The following VRTN variants were observed in gnomAD, a reference collection of about 807,000 sequenced individuals.
VRTN encodes the protein vertebrae development associated, also known as vertnin.
In VRTN, 5 loss-of-function variants were observed where a neutral mutation model predicts 18.2. The observed-to-expected ratio is 0.27, with a 90% confidence interval of 0.14 to 0.58. The LOEUF is 0.58. Among genes scored for constraint, VRTN ranks in the 20% least tolerant of loss-of-function variants. The pLI, the probability that VRTN is intolerant of heterozygous loss-of-function variation, is 0.91. For synonymous variants in VRTN, 381 were observed against 393.7 expected (o/e 0.97, Z 0.38); for missense variants, 741 against 939.4 (o/e 0.79, Z 2.76).
chr14:74,313,105 G>C (rs2085398979), intron 1 of VRTN, among the ~76,000 whole-genome samples: 1 of 152,166 alleles, frequency 6.6e-6, no homozygotes, highest in South Asian at 2.1e-4. Context: ...CCCTAAAAGA[G>C]AAGCAATCAT....
intron 1 of VRTN, among the ~76,000 whole-genome samples, chr14:74,334,846 G>C (rs2085553120): frequency 1.3e-5 from 2 of 152,100 alleles, no homozygotes; most frequent in South Asian, 2.1e-4. Flanking sequence ...TGGTACGGAG[G>C]GTGGGTCTAT....
chr14:74,310,034 T>A (rs2085377292), intron 1 of VRTN, among the ~76,000 whole-genome samples: 1 of 152,134 alleles, frequency 6.6e-6, no homozygotes, highest in Non-Finnish European at 1.5e-5. Flanking sequence ...ACCAGAATGC[T>A]TATCAAAGGA....
intron 1 of VRTN, among the ~76,000 whole-genome samples, chr14:74,350,201 G>A (rs933726152): frequency 6.6e-6 from 1 of 152,072 alleles, no homozygotes; most frequent in Non-Finnish European, 1.5e-5. Flanking sequence ...CTTTCCACAC[G>A]GCCCTATTCT....
In VRTN at chr14:74,307,601, T is replaced by G. The variant is rs150327805; in HGVS notation, c.-164+4425T>G. On this transcript the variant is annotated intron_variant, in intron 1 of 2. Transcript: ENST00000557177. ...ACTTGATGTAAAATGTGATCTCAAC[T>G]ATGAAAATATATATAGATGTAAATA... Among the ~76,000 whole-genome samples the G allele has an allele frequency of 2.9e-3, 447 of 152,318 alleles. 2 individuals are homozygous for G. Among genetic ancestry groups the G allele is most frequent in the African/African-American group, 8.5e-3 (352 of 41,570 alleles).
rs545678918 is a variant in VRTN at position 74,318,975 on chromosome 14, A to G, written c.-164+15799A>G. Among the ~76,000 whole-genome samples, 6 of 152,008 alleles carry G rather than the reference A, an allele frequency of 3.9e-5. No homozygotes were observed. In the East Asian group the frequency reaches 1.2e-3, roughly 29 times the overall value. On this transcript the variant is annotated intron_variant, in intron 1 of 2. Transcript: ENST00000557177. Reference sequence around the variant, plus strand: ...AGTGATCGACCTGCCTCGGCCTCCCAAAGTGCTGGGATTACAGGCATGAGC... The same window carrying G: ...AGTGATCGACCTGCCTCGGCCTCCCGAAGTGCTGGGATTACAGGCATGAGC...
chr14:74,352,468 C>T (rs763708934), intron 1 of VRTN, among the ~76,000 whole-genome samples: 13 of 152,176 alleles, frequency 8.5e-5, no homozygotes, highest in South Asian at 2.1e-4. Flanking sequence ...TGAGCCACTG[C>T]GCCCCAGCCC....
At chr14:74,313,625 T>A (rs2085402274) in intron 1 of VRTN, among the ~76,000 whole-genome samples, 1 of 152,184 alleles carries the variant, frequency 6.6e-6, no homozygotes, top group Non-Finnish European at 1.5e-5. Flanking sequence ...TGAAACCATC[T>A]TGGCCTCTTT....
intron 1 of VRTN, among the ~76,000 whole-genome samples, chr14:74,352,004 C>T (rs189092882): frequency 2.0e-5 from 3 of 149,458 alleles, no homozygotes; most frequent in Admixed American, 2.0e-4. Context: ...CCACCATGCC[C>T]AGCTAATTAT....
chr14:74,350,099 GA>G, intron 1 of VRTN, among the ~76,000 whole-genome samples: 1 of 152,140 alleles, frequency 6.6e-6, no homozygotes, highest in Non-Finnish European at 1.5e-5. Flanking sequence ...GCACTTCTAG[GA>G]AGAGAGCCAT....
In VRTN at chr14:74,358,830, C is replaced by A. The variant is rs1407530684; in HGVS notation, c.2047C>A (p.Arg683Ser). The A allele has an allele frequency of 1.2e-6, 2 of 1,614,098 alleles. No homozygotes were observed. ...CAGTGCCCTCTTTCCCCTCACTGCC[C>A]GCTCCACATACTACATGTGGAAGCG... The part of the protein sequence containing the change: ...EFSALFPLTA[R>S]STYYMWKRAL... The change falls in exon 2 of 2, where the codon CGC becomes AGC. Residue 683 changes from arginine to serine, a missense_variant. Transcript: ENST00000256362. This position sits in a 1 kb window ranked among gnomAD's most constrained non-coding sequence, Gnocchi z 5.4.
chr14:74,320,421 G>GC (rs1187313241), intron 1 of VRTN, among the ~76,000 whole-genome samples: 13 of 146,850 alleles, frequency 8.9e-5, no homozygotes, highest in Admixed American at 5.5e-4. Context: ...CCGCCACCAC[G>GC]CCGGCTAAAT....
rs144045913 is a variant in VRTN, at chr14:74,358,263, C to T, written c.1480C>T (p.Pro494Ser). ...TGCCACAGGTGAGGACCCTCCCGCC[C>T]CCGGGGAGCTCCTGCCACTAAGGAT... The part of the protein sequence containing the change: ...GNATGEDPPA[P>S]GELLPLRMPL... The change falls in exon 2 of 2, where the codon CCC becomes TCC. Residue 494 changes from proline to serine, a missense_variant. By Grantham distance (74) the Pro-to-Ser change is moderately conservative. Around this residue, in one of 3 missense-constraint regions of VRTN, gnomAD observed 494 missense variants for 546.5 expected, o/e 0.90. Coordinates refer to ENST00000256362, the MANE Select transcript of VRTN (RefSeq NM_018228.3). The surrounding 1 kb of genome is among the most constrained non-coding windows in gnomAD (Gnocchi z 5.4). 3.7e-6 allele frequency: 6 copies of T among 1,610,804 alleles called. No individual in the cohort carries two copies. Among genetic ancestry groups the T allele is most frequent in the Non-Finnish European group, 3.4e-6 (4 of 1,178,216 alleles).
Position 74,357,002 on chromosome 14 carries a change from CA to C in VRTN, c.220del (p.Met74CysfsTer37). ...TGTATCCAGAAGATGCTCCACGGAA[CA>C]TGCTGCCGCTGGTGTGCAAGGGGGA... ...SLYPEDAPRN[M>X]LPLVCKGEGS... On this transcript the variant is annotated frameshift_variant, in exon 2 of 2. Coordinates refer to ENST00000256362, the MANE Select transcript of VRTN (RefSeq NM_018228.3). LOFTEE classifies it high-confidence loss of function. This position sits in a 1 kb window ranked among gnomAD's most constrained non-coding sequence, Gnocchi z 7.8. 1 of 1,610,290 alleles carries C rather than the reference CA, an allele frequency of 6.2e-7. No homozygotes were observed. Among genetic ancestry groups the C allele is most frequent in the Non-Finnish European group, 8.5e-7 (1 of 1,177,974 alleles).
At chr14:74,324,387 C>CAAAA (rs34158619) in intron 1 of VRTN, among the ~76,000 whole-genome samples, 36 of 73,178 alleles carry the variant, frequency 4.9e-4, no homozygotes, top group Non-Finnish European at 6.8e-4. Flanking sequence ...GACTCTGACT[C>CAAAA]AAAAAAAAAA....
chr14:74,320,246 TC>T (rs1173220213), intron 1 of VRTN, among the ~76,000 whole-genome samples: 47 of 116,392 alleles, frequency 4.0e-4, no homozygotes, highest in African/African-American at 1.5e-3. Context: ...CAAGATCCCA[TC>T]CCTTTTTTTT....
intron 1 of VRTN, among the ~76,000 whole-genome samples, chr14:74,324,756 C>T (rs1206053575): frequency 0.026 from 2 of 78 alleles, no homozygotes; most frequent in African/African-American, 0.056. Flanking sequence ...AGCGTGGTGG[C>T]GCATGCTATG....
intron 2 of VRTN, among the ~76,000 whole-genome samples, chr14:74,342,422 T>C (rs1193901343): frequency 6.6e-6 from 1 of 152,140 alleles, no homozygotes; most frequent in East Asian, 1.9e-4. Context: ...AAACTATACA[T>C]GTATGTGTAT....
Position 74,358,971 on chromosome 14 carries a change from G to A in VRTN, c.*79G>A. On this transcript the variant is annotated 3_prime_UTR_variant, in exon 2 of 2. Coordinates refer to ENST00000256362, the MANE Select transcript of VRTN (RefSeq NM_018228.3). The surrounding 1 kb of genome is among the most constrained non-coding windows in gnomAD (Gnocchi z 5.4). ...GGGACCTGAGCTGACCCCAGGCTTG[G>A]CCAGGATGTCCTTTGCTCTGGGTCC... 1 of 1,502,454 alleles carries A rather than the reference G, an allele frequency of 6.7e-7. No homozygotes were observed. Among genetic ancestry groups the A allele is most frequent in the South Asian group, 1.4e-5 (1 of 73,840 alleles). 93.1% of individuals were successfully genotyped at this position (1,502,454 alleles called of 1,614,324 possible).
intron 2 of VRTN, among the ~76,000 whole-genome samples, chr14:74,340,850 A>C (rs566642984): frequency 6.6e-6 from 1 of 152,262 alleles, no homozygotes; most frequent in Non-Finnish European, 1.5e-5. Context: ...TCCTGGGTTC[A>C]AGCAATTCTC....
Sources: allele counts gnomAD v4.1 joint callset (sites outside exome capture counted in the v4.1 genomes callset), GRCh38; gene constraint gnomAD v4.1.1; regional missense constraint gnomAD v4.1.1; non-coding constraint Gnocchi (gnomAD v3.1); transcripts MANE v1.5; gene names NCBI Gene and HGNC (gene_info 2026-07-23, HGNC 2026-07-21).